The following GABRA3 variants were observed in gnomAD, a reference collection of about 807,000 sequenced individuals.
The protein encoded by GABRA3 is gamma-aminobutyric acid receptor subunit alpha-3.
A neutral mutation model predicts 30.1 loss-of-function variants in GABRA3; 10 were observed. The observed-to-expected ratio is 0.33, with a 90% CI of 0.20 to 0.56. GABRA3 has a LOEUF of 0.56. GABRA3 is among the 20% of genes least tolerant of loss of function. GABRA3 has a pLI of 0.89. For missense variants in GABRA3, 233 were observed against 392.0 expected (o/e 0.59, Z 3.42); for synonymous variants, 151 against 146.8 (o/e 1.03, Z -0.21).
At chrX:152,236,499 G>C (rs1362728231) in intron 5 of GABRA3, among the ~76,000 whole-genome samples, 2 of 91,868 alleles carry the variant, frequency 2.2e-5, no homozygotes, top group Non-Finnish European at 4.3e-5. Context: ...TAGTCCTTTG[G>C]GTATATACCC....
At chrX:152,298,423 G>T (rs1939571617) in intron 3 of GABRA3, among the ~76,000 whole-genome samples, 1 of 102,174 alleles carries the variant, frequency 9.8e-6, no homozygotes, top group Non-Finnish European at 2.0e-5. Context: ...CCCTTCCTGT[G>T]TCCAAGTGTT....
At chrX:152,366,085 C>G (rs1231179121) in intron 1 of GABRA3, among the ~76,000 whole-genome samples, 1 of 111,370 alleles carries the variant, frequency 9.0e-6, no homozygotes, top group Non-Finnish European at 1.9e-5. Context: ...GTTCAGAAAA[C>G]CATAGTATAT....
At chrX:152,333,102 G>A (rs139722389) in intron 3 of GABRA3, among the ~76,000 whole-genome samples, 178 of 111,613 alleles carry the variant, frequency 1.6e-3, no homozygotes, top group African/African-American at 4.9e-3. Context: ...TTGCTTAGAG[G>A]CGAAAGATCT....
intron 4 of GABRA3, among the ~76,000 whole-genome samples, chrX:152,264,029 C>T (rs1374665400): frequency 9.0e-6 from 1 of 111,200 alleles, no homozygotes; most frequent in Non-Finnish European, 1.9e-5. Flanking sequence ...CCCAGAAAAA[C>T]AAAAGCGGAG....
chrX:152,443,522 T>C (rs755019473), intron 1 of GABRA3, among the ~76,000 whole-genome samples: 5 of 111,857 alleles, frequency 4.5e-5, no homozygotes, highest in South Asian at 3.7e-4. Context: ...CTACAATATG[T>C]CAGACCTTAT....
intron 3 of GABRA3, among the ~76,000 whole-genome samples, chrX:152,315,963 GC>G (rs1265781839): frequency 0.064 from 661 of 10,293 alleles, 30 homozygotes; most frequent in Non-Finnish European, 0.081. Flanking sequence ...TTTTAGGCCC[GC>G]CCCCCGACCC....
chrX:152,294,554 C>G (rs1019601410), intron 3 of GABRA3, among the ~76,000 whole-genome samples: 1 of 111,071 alleles, frequency 9.0e-6, no homozygotes, highest in African/African-American at 3.3e-5. Flanking sequence ...TTTTTGTCTT[C>G]CTTGCAATGG....
chrX:152,400,680 AATAG>A (rs1253272953), intron 1 of GABRA3, among the ~76,000 whole-genome samples: 1 of 111,705 alleles, frequency 9.0e-6, no homozygotes, highest in Non-Finnish European at 1.9e-5. Flanking sequence ...CTGACTTTAA[AATAG>A]ATATAGTATC....
intron 9 of GABRA3, chrX:152,186,890 C>T (rs1937263119): frequency 9.0e-6 from 1 of 111,169 alleles, no homozygotes; most frequent in Non-Finnish European, 1.9e-5. Context: ...CCACCACATC[C>T]AGCCTGCTTC....
intron 3 of GABRA3, among the ~76,000 whole-genome samples, chrX:152,300,008 G>C (rs962514011): frequency 2.7e-5 from 3 of 112,120 alleles, no homozygotes; most frequent in African/African-American, 9.7e-5. Flanking sequence ...CCAGAGTGGA[G>C]ATGGTTAAAG....
At chrX:152,208,361 T>C (rs1052662459) in intron 6 of GABRA3, among the ~76,000 whole-genome samples, 1 of 112,192 alleles carries the variant, frequency 8.9e-6, no homozygotes, top group East Asian at 2.8e-4. Context: ...GCTGTGTACA[T>C]AGAAATGAAC....
At chrX:152,255,708 C>T in intron 5 of GABRA3, 70 bp downstream of exon 5, 1 of 959,348 alleles carries the variant, frequency 1.0e-6, no homozygotes, top group Non-Finnish European at 1.5e-6. Flanking sequence ...AATGGATACT[C>T]TAAAACATTC....
At chrX:152,275,142 A>ATATATATTTAATATTATATATATAATT (rs1939023327) in intron 4 of GABRA3, among the ~76,000 whole-genome samples, 1 of 57,846 alleles carries the variant, frequency 1.7e-5, no homozygotes, top group African/African-American at 1.0e-4. Flanking sequence ...ATATAATATA[A>ATATATATTTAATATTATATATATAATT]TATATATATT....
chrX:152,277,792 G>A (rs894584994), intron 4 of GABRA3, among the ~76,000 whole-genome samples: 1 of 111,861 alleles, frequency 8.9e-6, no homozygotes, highest in African/African-American at 3.2e-5. Flanking sequence ...TTCTACACAG[G>A]GCAGAGATGA....
chrX:152,255,655 A>T (rs1414519594), intron 5 of GABRA3, 123 bp downstream of exon 5: 2 of 549,424 alleles, frequency 3.6e-6, no homozygotes, highest in Non-Finnish European at 6.3e-6. Flanking sequence ...GGAAGTATAT[A>T]CATACCTGTA....
At chrX:152,316,015 A>G (rs1447831556) in intron 3 of GABRA3, among the ~76,000 whole-genome samples, 1 of 76,879 alleles carries the variant, frequency 1.3e-5, no homozygotes, top group African/African-American at 5.3e-5. Flanking sequence ...TACTACCACA[A>G]CTGATGCTCT....
intron 1 of GABRA3, among the ~76,000 whole-genome samples, chrX:152,408,745 C>G (rs1048391255): frequency 9.9e-6 from 1 of 101,075 alleles, no homozygotes; most frequent in African/African-American, 3.6e-5. Flanking sequence ...CACCAAGGAC[C>G]AGGAGAAGTC....
intron 4 of GABRA3, among the ~76,000 whole-genome samples, chrX:152,284,312 A>T: frequency 9.0e-6 from 1 of 111,577 alleles, no homozygotes; most frequent in Non-Finnish European, 1.9e-5. Context: ...AATCCCCACC[A>T]CAATTCTCTC....
At chrX:152,176,556 G>T (rs1180819139) in intron 9 of GABRA3, among the ~76,000 whole-genome samples, 1 of 111,427 alleles carries the variant, frequency 9.0e-6, no homozygotes, top group Non-Finnish European at 1.9e-5. Context: ...AAAGAATTAA[G>T]AATGGATTCC....
Sources: allele counts gnomAD v4.1 joint callset (sites outside exome capture counted in the v4.1 genomes callset), GRCh38; gene constraint gnomAD v4.1.1; transcripts MANE v1.5; gene names NCBI Gene and HGNC (gene_info 2026-07-23, HGNC 2026-07-21).